Variants in TIAM1 observed in about 807,000 individuals in gnomAD.
TIAM1 encodes the protein TIAM Rac1 associated GEF 1, also known as rho guanine nucleotide exchange factor TIAM1.
TIAM1 carries 65 observed loss-of-function variants against 163.5 expected under a neutral mutation model. The ratio of observed to expected loss-of-function variants is 0.40; its 90% CI spans 0.33 to 0.49. The LOEUF (loss-of-function observed/expected upper bound fraction) is 0.49, where lower values mean the gene tolerates loss of function less well. Among genes scored for constraint, TIAM1 ranks in the 20% least tolerant of loss-of-function variants. The pLI, the probability that TIAM1 is intolerant of heterozygous loss-of-function variation, is 0.77. For missense variants in TIAM1, 1,789 were observed against 2,044.7 expected (o/e 0.87, Z 2.41); for synonymous variants, 833 against 810.1 (o/e 1.03, Z -0.48).
At chr21:31,263,000 C>T (rs2072562598) in intron 4 of TIAM1, among the ~76,000 whole-genome samples, 1 of 152,128 alleles carries the variant, frequency 6.6e-6, no homozygotes, top group Non-Finnish European at 1.5e-5. Flanking sequence ...ACACCCACTG[C>T]CTCTTAAAAT....
At chr21:31,498,658 G>A (rs1008375766) in intron 1 of TIAM1, among the ~76,000 whole-genome samples, 2 of 152,164 alleles carry the variant, frequency 1.3e-5, no homozygotes, top group African/African-American at 4.8e-5. Context: ...GAGAAAACAG[G>A]GTCCTGGCCA....
chr21:31,448,926 G>C (rs1469793458), intron 2 of TIAM1, among the ~76,000 whole-genome samples: 3 of 152,080 alleles, frequency 2.0e-5, no homozygotes, highest in Admixed American at 6.6e-5. Context: ...TTCCCCATTT[G>C]CAACAGCAAA....
In TIAM1 at chr21:31,266,532, C is replaced by G; in HGVS notation, c.441G>C (p.Arg147Ser). ...CATTGGATGTATAGGAATGCTGCCT[C>G]CTGCCTCCCTCAGCCAAATATGTAG... Reference protein sequence around the residue: ...DDATYLAEGGRRQHSYTSNGP... With the variant: ...DDATYLAEGGSRQHSYTSNGP... Residue 147 changes from arginine to serine, a missense_variant, in exon 4 of 28, where the codon AGG becomes AGC. By Grantham distance (110) the Arg-to-Ser change is moderately radical. Transcript: ENST00000541036. 1 of 1,614,210 alleles carries G rather than the reference C, an allele frequency of 6.2e-7. No homozygotes were observed. Among genetic ancestry groups the G allele is most frequent in the Non-Finnish European group, 8.5e-7 (1 of 1,180,042 alleles).
In TIAM1 at chr21:31,202,963, A is replaced by G. The variant is rs1170896267; in HGVS notation, c.2438T>C (p.Ile813Thr). 1 of 1,614,126 alleles carries G rather than the reference A, an allele frequency of 6.2e-7. No individual in the cohort carries two copies. The highest frequency in any genetic ancestry group is 8.5e-7 in the Non-Finnish European group (1 of 1,180,022). The change falls in exon 12 of 28, where the codon ATA (isoleucine) becomes ACA (threonine). Residue 813 changes from isoleucine (I) to threonine (T), a missense_variant. Around this residue, in one of 5 missense-constraint regions of TIAM1, gnomAD observed 456 missense variants for 586.6 expected, o/e 0.78. Transcript: ENST00000541036. ...AACATAGAGCTGCATTTTGTTTTCT[A>G]TTAGAAATTTCAGGCGCAGGTAATG... ...SAHYLRLKFL[I>T]ENKMQLYVPQ... is the part of the protein sequence containing the mutation.
intron 2 of TIAM1, among the ~76,000 whole-genome samples, chr21:31,378,034 G>A (rs946854468): frequency 2.0e-5 from 3 of 151,400 alleles, no homozygotes; most frequent in Non-Finnish European, 4.4e-5. Flanking sequence ...TATTCAGGAG[G>A]CTGAGGCAGG....
intron 2 of TIAM1, among the ~76,000 whole-genome samples, chr21:31,433,809 T>C (rs997381832): frequency 9.2e-5 from 14 of 152,206 alleles, no homozygotes; most frequent in Non-Finnish European, 1.8e-4. Context: ...TGTCCTTTTT[T>C]TTTTTTGAGA....
intron 1 of TIAM1, among the ~76,000 whole-genome samples, chr21:31,471,609 C>A (rs2045743802): frequency 6.6e-6 from 1 of 152,014 alleles, no homozygotes; most frequent in African/African-American, 2.4e-5. Context: ...GTGGCTTATA[C>A]CTGTAATCCC....
In TIAM1 at chr21:31,410,612, TTGAG is replaced by T. The variant is rs557912863; in HGVS notation, c.-369+53367_-369+53370del. Among the ~76,000 whole-genome samples, 4 of 151,830 alleles carry T rather than the reference TTGAG, an allele frequency of 2.6e-5. No individual in the cohort carries two copies. The South Asian group carries it at 8.3e-4, about 32-fold the overall frequency. ...GTGTATGAGACTGTGTGAGAGTGAA[TTGAG>T]TGTTAGTGTGTGTCAGTGACTATGT... On this transcript the variant is annotated intron_variant, in intron 2 of 28. Coordinates refer to the TIAM1 transcript ENST00000286827.
intron 12 of TIAM1, among the ~76,000 whole-genome samples, chr21:31,200,727 T>C (rs1336374182): frequency 2.0e-5 from 3 of 152,228 alleles, no homozygotes; most frequent in Non-Finnish European, 2.9e-5. Context: ...GGTAAGCCTA[T>C]GTATTCTATT....
chr21:31,142,838 G>C (rs1200518183), intron 20 of TIAM1, among the ~76,000 whole-genome samples: 1 of 152,046 alleles, frequency 6.6e-6, no homozygotes, highest in Non-Finnish European at 1.5e-5. Context: ...TTCCTCACCA[G>C]CCTTGCCTCC....
At chr21:31,526,602 T>C (rs2047794102) in intron 1 of TIAM1, among the ~76,000 whole-genome samples, 1 of 152,098 alleles carries the variant, frequency 6.6e-6, no homozygotes, top group Non-Finnish European at 1.5e-5. Context: ...TGGCCACAGG[T>C]GGGAATCGTG....
intron 2 of TIAM1, among the ~76,000 whole-genome samples, chr21:31,357,454 C>A (rs912510256): frequency 6.6e-6 from 1 of 152,126 alleles, no homozygotes; most frequent in East Asian, 1.9e-4. Flanking sequence ...TACACTCTAC[C>A]TTTCTGCCTG....
chr21:31,152,933 C>T, intron 18 of TIAM1, 133 bp downstream of exon 18: 2 of 1,258,520 alleles, frequency 1.6e-6, no homozygotes, highest in Non-Finnish European at 2.2e-6. Flanking sequence ...GCTTAGCAGG[C>T]AATAATTTCA....
At chr21:31,359,862 A>AAGGAAGGAAGGAAGGGAGGGAGGG (rs1211508652) in intron 2 of TIAM1, among the ~76,000 whole-genome samples, 1 of 118,484 alleles carries the variant, frequency 8.4e-6, no homozygotes, top group African/African-American at 3.4e-5. Flanking sequence ...GGAAGGAAGG[A>AAGGAAGGAAGGAAGGGAGGGAGGG]AGGGAGGGAG....
chr21:31,442,734 CACAGCCT>C (rs1352911660), intron 2 of TIAM1, among the ~76,000 whole-genome samples: 2 of 152,176 alleles, frequency 1.3e-5, no homozygotes, highest in African/African-American at 4.8e-5. Flanking sequence ...GGGCCAGGGT[CACAGCCT>C]AGTCAAAAAG....
At chr21:31,164,243 A>C (rs1421430466) in intron 16 of TIAM1, among the ~76,000 whole-genome samples, 2 of 152,176 alleles carry the variant, frequency 1.3e-5, no homozygotes, top group Non-Finnish European at 2.9e-5. Flanking sequence ...ACAAAAAATT[A>C]GCAGGGCGTG....
At chr21:31,509,591 C>T (rs2047144028) in intron 1 of TIAM1, among the ~76,000 whole-genome samples, 1 of 152,216 alleles carries the variant, frequency 6.6e-6, no homozygotes, top group Non-Finnish European at 1.5e-5. Flanking sequence ...TCATCTCCTT[C>T]CCGAGGCACG....
chr21:31,135,139 G>A (rs566998591), intron 23 of TIAM1, among the ~76,000 whole-genome samples: 7 of 152,230 alleles, frequency 4.6e-5, no homozygotes, highest in African/African-American at 1.7e-4. Context: ...AAGAGGCTAG[G>A]ACAAAACGCA....
chr21:31,377,088 A>G (rs1234786461), intron 2 of TIAM1, among the ~76,000 whole-genome samples: 1 of 137,768 alleles, frequency 7.3e-6, no homozygotes, highest in East Asian at 2.1e-4. Flanking sequence ...CATGTTGGGC[A>G]AGCTGGTCTT....
Sources: allele counts gnomAD v4.1 joint callset (sites outside exome capture counted in the v4.1 genomes callset), GRCh38; gene constraint gnomAD v4.1.1; regional missense constraint gnomAD v4.1.1; transcripts MANE v1.5; gene names NCBI Gene and HGNC (gene_info 2026-07-23, HGNC 2026-07-21).